The following KAZN variants were observed in gnomAD, a reference collection of about 807,000 sequenced individuals.
KAZN encodes the protein kazrin, periplakin interacting protein, also known as kazrin.
KAZN carries 40 observed loss-of-function variants against 87.4 expected under a neutral mutation model. The observed-to-expected ratio is 0.46, with a 90% CI of 0.36 to 0.60. The LOEUF is 0.60. KAZN is among the 20% of genes least tolerant of loss of function. The probability of loss-of-function intolerance (pLI) is 0.00; values close to 1 mark genes in which losing one functional copy is unlikely to be tolerated. For missense variants in KAZN, 898 were observed against 1,073.9 expected, an observed-to-expected ratio of 0.84 and a Z score of 2.29; for synonymous variants, 466 against 458.3, an observed-to-expected ratio of 1.02 and a Z score of -0.22.
At chr1:15,080,231 A>AT (rs1017922495) in intron 8 of KAZN, among the ~76,000 whole-genome samples, 9 of 152,202 alleles carry the variant, frequency 5.9e-5, no homozygotes, top group African/African-American at 1.9e-4. Flanking sequence ...CGCCCATGTG[A>AT]TTTTTTAAAA....
chr1:14,625,562 C>T (rs533661679), intron 1 of KAZN, among the ~76,000 whole-genome samples: 1 of 152,146 alleles, frequency 6.6e-6, no homozygotes, highest in Non-Finnish European at 1.5e-5. Context: ...AGTCATATTT[C>T]ATCAATTTCT....
At chr1:14,014,404 C>T (rs183877004) in intron 1 of KAZN, among the ~76,000 whole-genome samples, 22 of 152,128 alleles carry the variant, frequency 1.4e-4, no homozygotes, top group African/African-American at 5.3e-4. Flanking sequence ...CCAGCTGTCC[C>T]AGGGCCCTGG....
chr1:15,095,187 C>G lies in KAZN; in HGVS notation c.1547+254C>G, dbSNP rs565155430. Among the ~76,000 whole-genome samples, 37 of 152,330 alleles carry G rather than the reference C, an allele frequency of 2.4e-4. 1 individual carries two copies. Among genetic ancestry groups the G allele is most frequent in the African/African-American group, 8.4e-4 (35 of 41,580 alleles). ...AGGCCCCAAAGGCCCTAGTACACCC[C>G]CAACCAATGCGGGAACCTCACGAGC... is the stretch of plus-strand genomic sequence containing the variant. On this transcript the variant is annotated intron_variant, in intron 10 of 14. Transcript: ENST00000376030.
At chr1:14,920,037 A>C (rs1478536267) in intron 1 of KAZN, among the ~76,000 whole-genome samples, 5 of 152,154 alleles carry the variant, frequency 3.3e-5, no homozygotes, top group Non-Finnish European at 7.4e-5. Flanking sequence ...ATGCATGACT[A>C]TTTTAAAATC....
chr1:14,028,129 C>A lies in KAZN; in HGVS notation c.91+134373C>A, dbSNP rs151288491. Among the ~76,000 whole-genome samples the A allele has an allele frequency of 4.4e-3, 663 of 152,270 alleles. 7 individuals are homozygous for A. Among genetic ancestry groups the A allele is most frequent in the African/African-American group, 0.015 (625 of 41,546 alleles). On this transcript the variant is annotated intron_variant, in intron 1 of 16. Transcript: ENST00000636203. ...TTCTGTCCCCCCAAACTCTGCACAG[C>A]TTTTTAGCACTTAGTAGCCTCTTTC...
At chr1:13,937,306 A>G (rs1009924924) in intron 1 of KAZN, among the ~76,000 whole-genome samples, 52 of 152,318 alleles carry the variant, frequency 3.4e-4, no homozygotes, top group African/African-American at 1.2e-3. Context: ...GGCCACCCAA[A>G]GTGCTGGGAT....
chr1:14,579,877 G>A (rs1250222260), intron 2 of KAZN, among the ~76,000 whole-genome samples: 1 of 151,872 alleles, frequency 6.6e-6, no homozygotes, highest in Non-Finnish European at 1.5e-5. Context: ...TTAATAAGCG[G>A]CAGAGAACCC....
intron 14 of KAZN, chr1:15,113,599 A>G (rs1238991629): frequency 1.3e-5 from 2 of 152,198 alleles, no homozygotes; most frequent in East Asian, 3.8e-4. Flanking sequence ...AATAGTCACT[A>G]TTCATCAAGT....
At chr1:14,302,335 C>G (rs1654612906) in intron 2 of KAZN, among the ~76,000 whole-genome samples, 1 of 152,208 alleles carries the variant, frequency 6.6e-6, no homozygotes, top group Non-Finnish European at 1.5e-5. Context: ...GCAGGTATAG[C>G]CTCTCCCATC....
chr1:15,112,302 T>A (rs1358006462), intron 13 of KAZN, 125 bp from the exon 14 acceptor site: 1 of 683,278 alleles, frequency 1.5e-6, no homozygotes, highest in African/African-American at 1.8e-5. Flanking sequence ...AATCAGTCGG[T>A]CTCAGCAGCT....
At chr1:14,833,556 G>A (rs572724336) in intron 1 of KAZN, among the ~76,000 whole-genome samples, 4 of 152,182 alleles carry the variant, frequency 2.6e-5, no homozygotes, top group Non-Finnish European at 5.9e-5. Flanking sequence ...AGGGAAAGTA[G>A]GGTATCCGTC....
chr1:14,372,878 G>A (rs1355821461), intron 2 of KAZN, among the ~76,000 whole-genome samples: 1 of 152,202 alleles, frequency 6.6e-6, no homozygotes, highest in African/African-American at 2.4e-5. Context: ...TAGTGGGAAT[G>A]TCAGGTGGTC....
chr1:14,221,817 C>T (rs894814918), intron 2 of KAZN: 2 of 152,116 alleles, frequency 1.3e-5, no homozygotes, highest in African/African-American at 4.8e-5. Context: ...TAAATATATG[C>T]CCATGTCCCC....
chr1:14,750,256 C>A (rs1644377430), intron 1 of KAZN, among the ~76,000 whole-genome samples: 2 of 113,728 alleles, frequency 1.8e-5, no homozygotes, highest in African/African-American at 3.8e-5. Flanking sequence ...AGACAGTATT[C>A]ATGGGTGCGG....
intron 2 of KAZN, among the ~76,000 whole-genome samples, chr1:14,210,796 G>A (rs566593140): frequency 4.2e-4 from 64 of 152,186 alleles, no homozygotes; most frequent in African/African-American, 1.5e-3. Context: ...ATATTGAGAA[G>A]AATGTCATTA....
intron 1 of KAZN, among the ~76,000 whole-genome samples, chr1:14,665,174 A>G (rs992434560): frequency 6.6e-6 from 1 of 152,194 alleles, no homozygotes; most frequent in Non-Finnish European, 1.5e-5. Context: ...TCACACCACC[A>G]GCATCCAGCC....
chr1:14,370,143 G>A (rs531218305), intron 2 of KAZN, among the ~76,000 whole-genome samples: 16 of 152,320 alleles, frequency 1.1e-4, no homozygotes, highest in African/African-American at 3.4e-4. Context: ...ACAGAGGGTG[G>A]ATGTCTTTCC....
At chr1:15,078,825 G>A (rs1639872198) in intron 8 of KAZN, among the ~76,000 whole-genome samples, 1 of 152,156 alleles carries the variant, frequency 6.6e-6, no homozygotes, top group Non-Finnish European at 1.5e-5. Flanking sequence ...TGTTCCCCTT[G>A]CCATTCTCCT....
rs113945312 is a variant in KAZN at position 14,616,606 on chromosome 1, T to C, written c.226+17383T>C. ...ATAAATCAGCGTCAGCGAAGGCTCA[T>C]TCCCCTGTTGTGTTTAGATATTTCA... On this transcript the variant is annotated intron_variant, in intron 1 of 14. Coordinates refer to ENST00000376030, the MANE Select transcript of KAZN (RefSeq NM_201628.3). Among the ~76,000 whole-genome samples the C allele has an allele frequency of 1.8e-3, 278 of 152,314 alleles. 2 individuals are homozygous for C. Among genetic ancestry groups the C allele is most frequent in the African/African-American group, 6.3e-3 (264 of 41,576 alleles).
Sources: gnomAD v4.1 joint callset for allele counts (sites outside exome capture counted in the v4.1 genomes callset) on GRCh38, gnomAD v4.1.1 for gene constraint, MANE v1.5 for transcripts, NCBI Gene and HGNC (gene_info 2026-07-23, HGNC 2026-07-21) for gene names.